CTBP2: variants seen among roughly 807,000 people sequenced by gnomAD.
The protein encoded by CTBP2 is C-terminal binding protein 2.
Under a neutral mutation model 80.3 loss-of-function variants are expected in CTBP2, and 30 were observed. The ratio of observed to expected loss-of-function variants is 0.37; its 90% confidence interval spans 0.28 to 0.51. The LOEUF (loss-of-function observed/expected upper bound fraction) is 0.51. Among genes scored for constraint, CTBP2 ranks in the 20% least tolerant of loss-of-function variants. CTBP2 has a pLI of 0.93. For synonymous variants in CTBP2, 594 were observed against 587.4 expected (o/e 1.01, Z -0.16); for missense variants, 1,212 against 1,375.3 (o/e 0.88, Z 1.88).
At position 125,098,714 on chromosome 10, in the gene CTBP2, GAGAGAGAGAC is replaced by G. The variant is rs1850056871; in HGVS notation, c.-102+12266_-102+12275del. Reference sequence around the variant, plus strand: ...AGAGAGAGAGAGAGAGAGACAGAGAGAGAGAGAGACAGAGAGAGAGAGAGAGAGAGAGAGA... The same window carrying G: ...AGAGAGAGAGAGAGAGAGACAGAGAGAGAGAGAGAGAGAGAGAGAGAGAGA... On this transcript the variant is annotated intron_variant, in intron 2 of 10. Transcript: ENST00000337195. 8.4e-5 allele frequency among the ~76,000 whole-genome samples: 11 copies of G among 130,740 alleles called. 1 individual carries two copies. The highest frequency in any genetic ancestry group is 2.4e-4 in the South Asian group (1 of 4,144). 85.8% of individuals were successfully genotyped at this position (130,740 alleles called of 152,430 possible). A position where few individuals can be genotyped will look rare whatever the true frequency, so the allele number is the denominator to read the frequency against.
At chr10:125,153,479 G>A (rs546176835) in intron 1 of CTBP2, among the ~76,000 whole-genome samples, 1 of 152,322 alleles carries the variant, frequency 6.6e-6, no homozygotes, top group East Asian at 1.9e-4. Context: ...CACAGCTAGA[G>A]CTCATTTAAA....
chr10:125,022,783 G>A (rs1002115210), intron 1 of CTBP2, among the ~76,000 whole-genome samples: 16 of 152,342 alleles, frequency 1.1e-4, no homozygotes, highest in African/African-American at 3.8e-4. Context: ...CTCTGAGATG[G>A]GGGAAGCCTG....
chr10:125,070,353 A>G (rs1845280460), intron 2 of CTBP2, among the ~76,000 whole-genome samples: 2 of 152,096 alleles, frequency 1.3e-5, no homozygotes, highest in South Asian at 2.1e-4. Context: ...TCTGTCTCAA[A>G]CAAACAAACA....
chr10:125,040,974 G>A (rs1959565743), intron 2 of CTBP2, among the ~76,000 whole-genome samples: 1 of 152,194 alleles, frequency 6.6e-6, no homozygotes, highest in Non-Finnish European at 1.5e-5. Context: ...CCCAAAACGG[G>A]GACTGACCAT....
chr10:125,124,798 G>C (rs1418017110), intron 1 of CTBP2, among the ~76,000 whole-genome samples: 2 of 152,178 alleles, frequency 1.3e-5, no homozygotes, highest in African/African-American at 4.8e-5. Flanking sequence ...ATAATTCAAA[G>C]CTGTCAAACC....
At chr10:125,089,013 G>A (rs567830379) in intron 2 of CTBP2, among the ~76,000 whole-genome samples, 7 of 152,256 alleles carry the variant, frequency 4.6e-5, no homozygotes, top group East Asian at 1.9e-4. Context: ...ATTCGGTTGC[G>A]AAGATATAAA....
At chr10:125,033,998 C>T (rs1163907060) in intron 3 of CTBP2, among the ~76,000 whole-genome samples, 1 of 152,146 alleles carries the variant, frequency 6.6e-6, no homozygotes, top group African/African-American at 2.4e-5. Context: ...CAGCCACAGA[C>T]TCCAGTTGCA....
Position 124,984,985 on chromosome 10 carries a change from ATG to A in CTBP2, c.*4531_*4532del. 6.2e-7 allele frequency: 1 copy of A among 1,606,016 alleles called. No homozygotes were observed. The highest frequency in any genetic ancestry group is 1.7e-5 in the Admixed American group (1 of 59,008). ...GGAGAGGAAGATGAGGATGATGAAGATGAATGAAAAAAAAAATCAAACAGCAG... is the reference window on the plus strand; with the variant it reads ...GGAGAGGAAGATGAGGATGATGAAGAAATGAAAAAAAAAATCAAACAGCAG... On this transcript the variant is annotated 3_prime_UTR_variant, in exon 9 of 9. Transcript: ENST00000309035.
intron 2 of CTBP2, among the ~76,000 whole-genome samples, chr10:125,049,254 G>A (rs1962125357): frequency 6.6e-6 from 1 of 152,208 alleles, no homozygotes; most frequent in African/African-American, 2.4e-5. Context: ...GGAGACAGAT[G>A]TGCCTAATTC....
chr10:124,984,646 A>T lies in CTBP2; in HGVS notation c.*4872T>A. 1.1e-6 allele frequency: 1 copy of T among 891,848 alleles called. No homozygotes were observed. The highest frequency in any genetic ancestry group is 1.9e-5 in the South Asian group (1 of 52,818). The allele number at this position is 891,848 out of a possible 1,614,324, so 55.2% of individuals were successfully genotyped here. ...ACAAAACTTCCAAGAGGTCAAAACC[A>T]TGTGAAAAGTTGATTGCTTTGGCCT... On this transcript the variant is annotated 3_prime_UTR_variant, in exon 9 of 9. Transcript: ENST00000309035.
chr10:125,064,835 G>C (rs190225748), intron 2 of CTBP2, among the ~76,000 whole-genome samples: 714 of 152,292 alleles, frequency 4.7e-3, no homozygotes, highest in Non-Finnish European at 7.7e-3. Context: ...AAAAGACAAA[G>C]AATGAAACCT....
intron 1 of CTBP2, among the ~76,000 whole-genome samples, chr10:125,146,631 G>A (rs181595829): frequency 4.6e-4 from 70 of 152,174 alleles, no homozygotes; most frequent in African/African-American, 1.6e-3. Context: ...AGAAACTGCT[G>A]GTCCATGAAA....
intron 2 of CTBP2, among the ~76,000 whole-genome samples, chr10:125,089,133 A>G (rs1152662): frequency 0.036 from 5,525 of 152,316 alleles, 323 homozygotes; most frequent in African/African-American, 0.12. Flanking sequence ...TGCGACCTAC[A>G]TAGTATTTCA....
intron 1 of CTBP2, chr10:125,159,707 C>T (rs1861608046): frequency 1.3e-5 from 2 of 149,374 alleles, no homozygotes; most frequent in South Asian, 4.1e-4. Flanking sequence ...CCCTCTTCTC[C>T]GCGCCCCCCC....
intron 2 of CTBP2, among the ~76,000 whole-genome samples, chr10:125,101,232 C>G (rs1004413135): frequency 1.3e-5 from 2 of 152,214 alleles, no homozygotes; most frequent in Non-Finnish European, 2.9e-5. Flanking sequence ...GTGAAGTGGC[C>G]GTGTTCCCGG....
intron 2 of CTBP2, among the ~76,000 whole-genome samples, chr10:125,074,774 C>T (rs1846037203): frequency 2.0e-5 from 3 of 152,188 alleles, no homozygotes; most frequent in South Asian, 4.1e-4. Flanking sequence ...CTTCCGTTTC[C>T]TTGGCCCTTC....
At chr10:125,044,669 A>C (rs1285492241) in intron 2 of CTBP2, among the ~76,000 whole-genome samples, 2 of 152,208 alleles carry the variant, frequency 1.3e-5, no homozygotes, top group East Asian at 3.9e-4. Flanking sequence ...CAGAAGGCTG[A>C]GACGGGCAGC....
intron 1 of CTBP2, among the ~76,000 whole-genome samples, chr10:125,133,074 A>C (rs1427590807): frequency 1.3e-5 from 2 of 152,118 alleles, no homozygotes; most frequent in Non-Finnish European, 2.9e-5. Flanking sequence ...CTGCTTGCTA[A>C]ATCTCCTTGA....
In CTBP2 at chr10:125,026,075, G is replaced by T; in HGVS notation, c.1678+7C>A. Reference sequence around the variant, plus strand: ...CCCAGGCAGGGCAGGCGGGGAGGATGTATTACTTGGTTCTGGTGCAAGCAT... The same window carrying T: ...CCCAGGCAGGGCAGGCGGGGAGGATTTATTACTTGGTTCTGGTGCAAGCAT... On this transcript the variant is annotated splice_region_variant and intron_variant, in intron 1 of 8. Transcript: ENST00000309035. 1 of 1,552,232 alleles carries T rather than the reference G, an allele frequency of 6.4e-7. No individual in the cohort carries two copies. Among genetic ancestry groups the T allele is most frequent in the Non-Finnish European group, 8.7e-7 (1 of 1,143,748 alleles).
Sources: gnomAD v4.1 joint callset for allele counts (sites outside exome capture counted in the v4.1 genomes callset) on GRCh38, gnomAD v4.1.1 for gene constraint, MANE v1.5 for transcripts, NCBI Gene and HGNC (gene_info 2026-07-23, HGNC 2026-07-21) for gene names.